The following FOXJ3 variants were observed in gnomAD, a reference collection of about 807,000 sequenced individuals.
The protein encoded by FOXJ3 is forkhead box protein J3.
A neutral mutation model predicts 76.1 loss-of-function variants in FOXJ3; 22 were observed. The ratio of observed to expected loss-of-function variants is 0.29; its 90% CI spans 0.21 to 0.41. The LOEUF is 0.41. Among genes scored for constraint, FOXJ3 ranks in the 10% least tolerant of loss-of-function variants. The probability of loss-of-function intolerance (pLI) is 1.00; values close to 1 mark genes in which losing one functional copy is unlikely to be tolerated. For missense variants in FOXJ3, 613 were observed against 762.1 expected (o/e 0.80, Z 2.30); for synonymous variants, 269 against 261.2 (o/e 1.03, Z -0.29).
intron 6 of FOXJ3, among the ~76,000 whole-genome samples, chr1:42,202,344 C>T (rs761794397): frequency 6.6e-6 from 1 of 152,012 alleles, no homozygotes; most frequent in Non-Finnish European, 1.5e-5. Flanking sequence ...CTTTTCTAAG[C>T]TAATTCTATC....
chr1:42,294,050 T>C (rs947142593), intron 2 of FOXJ3, among the ~76,000 whole-genome samples: 6 of 152,200 alleles, frequency 3.9e-5, no homozygotes, highest in African/African-American at 9.7e-5. Flanking sequence ...ATTTGTCAGA[T>C]TGAATAGAAT....
At chr1:42,239,683 CT>C (rs1382174389) in intron 4 of FOXJ3, among the ~76,000 whole-genome samples, 4 of 152,232 alleles carry the variant, frequency 2.6e-5, no homozygotes, top group South Asian at 2.1e-4. Flanking sequence ...ATTACTCTGG[CT>C]TTTGTATTTA....
chr1:42,293,062 C>G (rs907580093), intron 2 of FOXJ3, among the ~76,000 whole-genome samples: 1 of 152,142 alleles, frequency 6.6e-6, no homozygotes, highest in Non-Finnish European at 1.5e-5. Flanking sequence ...GATCACACCA[C>G]TGTACTCCAG....
intron 4 of FOXJ3, among the ~76,000 whole-genome samples, chr1:42,228,285 C>T (rs563707091): frequency 6.6e-6 from 1 of 152,084 alleles, no homozygotes; most frequent in East Asian, 1.9e-4. Flanking sequence ...AATTATATGA[C>T]AATAAAAGAA....
intron 5 of FOXJ3, among the ~76,000 whole-genome samples, chr1:42,213,647 T>G (rs1183211835): frequency 6.6e-6 from 1 of 152,142 alleles, no homozygotes; most frequent in Non-Finnish European, 1.5e-5. Context: ...TTATTCAGTC[T>G]TTAAAGAACA....
intron 12 of FOXJ3, 48 bp downstream of exon 12, chr1:42,181,869 A>T (rs1283024863): frequency 1.0e-5 from 9 of 871,802 alleles, no homozygotes; most frequent in East Asian, 2.9e-5. Context: ...GAGTGCTCAC[A>T]CACACACACA....
chr1:42,266,491 G>A (rs981833246), intron 3 of FOXJ3, among the ~76,000 whole-genome samples: 4 of 152,102 alleles, frequency 2.6e-5, no homozygotes, highest in Non-Finnish European at 5.9e-5. Context: ...AATCACCTTT[G>A]GCAGAGCACA....
intron 3 of FOXJ3, among the ~76,000 whole-genome samples, chr1:42,276,391 G>A (rs1392118954): frequency 6.6e-6 from 1 of 152,014 alleles, no homozygotes; most frequent in Admixed American, 6.6e-5. Context: ...GAAGAGAGGG[G>A]AGAGAGTAAT....
At chr1:42,287,879 C>T (rs1461339612) in intron 2 of FOXJ3, among the ~76,000 whole-genome samples, 3 of 152,048 alleles carry the variant, frequency 2.0e-5, no homozygotes, top group Non-Finnish European at 4.4e-5. Context: ...GTGGGAGGAT[C>T]ACCTGAGCCC....
chr1:42,261,163 C>G (rs1249218856), intron 4 of FOXJ3, among the ~76,000 whole-genome samples: 1 of 150,378 alleles, frequency 6.6e-6, no homozygotes, highest in African/African-American at 2.5e-5. Flanking sequence ...AATTAAGACA[C>G]ATGTATGAAT....
At chr1:42,311,476 T>C (rs572612657) in intron 1 of FOXJ3, among the ~76,000 whole-genome samples, 1 of 152,302 alleles carries the variant, frequency 6.6e-6, no homozygotes, top group East Asian at 1.9e-4. Context: ...CTAGGGATTC[T>C]AGAGAGGTGC....
At chr1:42,210,106 G>C (rs767245746) in intron 5 of FOXJ3, among the ~76,000 whole-genome samples, 1 of 152,196 alleles carries the variant, frequency 6.6e-6, no homozygotes, top group Non-Finnish European at 1.5e-5. Context: ...CGTGGGAGCT[G>C]AGTGGGGCTT....
At chr1:42,212,971 AC>A (rs760651260) in intron 5 of FOXJ3, among the ~76,000 whole-genome samples, 1,686 of 139,568 alleles carry the variant, frequency 0.012, 233 homozygotes, top group African/African-American at 0.024. Context: ...AAAAAAAAAA[AC>A]AAAAAAAAAA....
At chr1:42,294,948 T>G (rs1653687308) in intron 2 of FOXJ3, among the ~76,000 whole-genome samples, 1 of 152,212 alleles carries the variant, frequency 6.6e-6, no homozygotes, top group African/African-American at 2.4e-5. Flanking sequence ...TTCAAGAGAA[T>G]AAACTATCCT....
intron 4 of FOXJ3, among the ~76,000 whole-genome samples, chr1:42,259,712 G>A (rs553971098): frequency 9.7e-4 from 148 of 152,182 alleles, no homozygotes; most frequent in Non-Finnish European, 1.8e-3. Context: ...CCTCTGTCTC[G>A]ACAATCACTC....
At chr1:42,294,776 A>AAAAAC in intron 2 of FOXJ3, among the ~76,000 whole-genome samples, 1 of 151,392 alleles carries the variant, frequency 6.6e-6, no homozygotes, top group African/African-American at 2.4e-5. Flanking sequence ...AAAAAAAAAA[A>AAAAAC]AAGACGCCAT....
At chr1:42,236,595 C>A (rs959394113) in intron 4 of FOXJ3, among the ~76,000 whole-genome samples, 11 of 152,196 alleles carry the variant, frequency 7.2e-5, no homozygotes, top group African/African-American at 2.7e-4. Flanking sequence ...CAACTGTATA[C>A]CTTCATGTAA....
chr1:42,218,824 T>C (rs889067510), intron 5 of FOXJ3, among the ~76,000 whole-genome samples: 2 of 152,188 alleles, frequency 1.3e-5, no homozygotes, highest in Non-Finnish European at 2.9e-5. Context: ...TGTGAAGTCC[T>C]ATCACTACTC....
chr1:42,225,514 TTAAA>T (rs1331370863), intron 5 of FOXJ3, among the ~76,000 whole-genome samples: 2 of 152,236 alleles, frequency 1.3e-5, no homozygotes, highest in Admixed American at 6.5e-5. Flanking sequence ...AGTATATTTG[TTAAA>T]TAATATCTGT....
Sources: allele counts gnomAD v4.1 joint callset (sites outside exome capture counted in the v4.1 genomes callset), GRCh38; gene constraint gnomAD v4.1.1; transcripts MANE v1.5; gene names NCBI Gene and HGNC (gene_info 2026-07-23, HGNC 2026-07-21).